ACBD6: variants seen among roughly 807,000 people sequenced by gnomAD.
ACBD6 encodes the protein acyl-CoA-binding domain-containing protein 6.
Under a neutral mutation model 37.2 loss-of-function variants are expected in ACBD6, and 28 were observed. That is an observed-to-expected ratio of 0.75 (90% CI 0.56 to 1.03). ACBD6 has a LOEUF of 1.03. ACBD6 is among the 50% of genes least tolerant of loss of function. The pLI is 0.00. For missense variants in ACBD6, 340 were observed against 337.4 expected (o/e 1.01, Z -0.06); for synonymous variants, 113 against 126.8 (o/e 0.89, Z 0.73).
chr1:180,405,366 GA>G (rs1647570294), intron 5 of ACBD6, among the ~76,000 whole-genome samples: 1 of 152,130 alleles, frequency 6.6e-6, no homozygotes, highest in African/African-American at 2.4e-5. Context: ...GTATCTGAAA[GA>G]ATCAATAGAC....
chr1:180,359,034 GTGC>G (rs1287711805), intron 6 of ACBD6, among the ~76,000 whole-genome samples: 1 of 152,168 alleles, frequency 6.6e-6, no homozygotes, highest in Non-Finnish European at 1.5e-5. Context: ...AAGAAAGGTG[GTGC>G]TGGAAGGGAA....
downstream of ACBD6, among the ~76,000 whole-genome samples, chr1:180,284,147 T>C (rs1034688199): frequency 8.5e-5 from 13 of 152,160 alleles, no homozygotes; most frequent in African/African-American, 1.2e-4. Flanking sequence ...TATTTGAAAA[T>C]TGACCATACT....
intron 3 of ACBD6, among the ~76,000 whole-genome samples, chr1:180,467,815 T>C (rs1650409837): frequency 2.1e-5 from 1 of 48,472 alleles, no homozygotes; most frequent in South Asian, 8.0e-4. Context: ...CATTCCCCTA[T>C]TGAGATCCAT....
chr1:180,416,609 T>C (rs1446089553), intron 4 of ACBD6, among the ~76,000 whole-genome samples: 1 of 152,214 alleles, frequency 6.6e-6, no homozygotes, highest in African/African-American at 2.4e-5. Context: ...ACAGAAAGTC[T>C]CTTCTTCAGG....
rs192000055 is a variant in ACBD6, at chr1:180,297,751, A to T, written c.695-9234T>A. Among the ~76,000 whole-genome samples the T allele has an allele frequency of 3.0e-3, 463 of 152,186 alleles. 2 individuals are homozygous for T. The highest frequency in any genetic ancestry group is 5.4e-3 in the Non-Finnish European group (365 of 67,988). ...CCAAAATAATTTTATCATTATTATC[A>T]TTTTTTGAGATGGAGTCTTACTCTT... On this transcript the variant is annotated intron_variant, in intron 7 of 7. Transcript: ENST00000367595.
chr1:180,465,672 G>C (rs1013970326), intron 3 of ACBD6, among the ~76,000 whole-genome samples: 9 of 152,086 alleles, frequency 5.9e-5, no homozygotes, highest in African/African-American at 2.2e-4. Flanking sequence ...TATATACCCG[G>C]AGGAATATAA....
intron 6 of ACBD6, among the ~76,000 whole-genome samples, chr1:180,392,626 G>A (rs985296452): frequency 6.6e-6 from 1 of 152,058 alleles, no homozygotes; most frequent in Non-Finnish European, 1.5e-5. Flanking sequence ...ATGACTAAAA[G>A]AGACAATGCA....
At chr1:180,416,465 T>C (rs1260836737) in intron 4 of ACBD6, among the ~76,000 whole-genome samples, 1 of 152,194 alleles carries the variant, frequency 6.6e-6, no homozygotes, top group African/African-American at 2.4e-5. Context: ...TTTTCCTTTC[T>C]TGATTTTTTA....
chr1:180,375,410 C>T (rs1004018023), intron 6 of ACBD6, among the ~76,000 whole-genome samples: 1 of 152,118 alleles, frequency 6.6e-6, no homozygotes, highest in African/African-American at 2.4e-5. Context: ...ACTGCAGTCT[C>T]GATCTCCTGG....
chr1:180,388,286 C>T (rs573393793), intron 6 of ACBD6, among the ~76,000 whole-genome samples: 2 of 151,996 alleles, frequency 1.3e-5, no homozygotes, highest in East Asian at 3.9e-4. Flanking sequence ...CTTTAGTCTT[C>T]TTATGTTTAT....
intron 6 of ACBD6, among the ~76,000 whole-genome samples, chr1:180,375,657 C>A (rs12691484): frequency 0.82 from 124,493 of 152,134 alleles, 51,361 homozygotes; most frequent in Non-Finnish European, 0.88. Flanking sequence ...GGTGCCAGGA[C>A]AACAGGTAAG....
At chr1:180,364,293 T>A (rs373106357) in intron 6 of ACBD6, among the ~76,000 whole-genome samples, 1 of 152,232 alleles carries the variant, frequency 6.6e-6, no homozygotes, top group Non-Finnish European at 1.5e-5. Flanking sequence ...TCTATTAAGT[T>A]ACAGCTCTAC....
At position 180,413,371 on chromosome 1, in the gene ACBD6, C is replaced by T. The variant is rs764267262; in HGVS notation, c.568G>A (p.Glu190Lys). Residue 190 changes from glutamate to lysine, a missense_variant, in exon 5 of 8, where the codon GAA becomes AAA. By Grantham distance (56) the Glu-to-Lys change is moderately conservative (BLOSUM62 1). Coordinates refer to ENST00000367595, the MANE Select transcript of ACBD6 (RefSeq NM_032360.4). The stretch of plus-strand genomic sequence containing the variant: ...ACAGGGCATGTTTTTCATACCTCTT[C>T]ATCTTTCACATTCACATCCACATTT... ...SKNVDVNVKD[E>K]EGRALLHWAC... 8 of 1,612,028 alleles carry T rather than the reference C, an allele frequency of 5.0e-6. No individual in the cohort carries two copies. The South Asian group carries it at 8.8e-5, about 18-fold the overall frequency.
chr1:180,322,382 T>C (rs1057288082), intron 6 of ACBD6, among the ~76,000 whole-genome samples: 7 of 152,112 alleles, frequency 4.6e-5, no homozygotes, highest in African/African-American at 1.7e-4. Flanking sequence ...AGAATGAGTT[T>C]GGAAGTCTTC....
intron 3 of ACBD6, among the ~76,000 whole-genome samples, chr1:180,483,647 A>G (rs992309243): frequency 6.6e-6 from 1 of 152,192 alleles, no homozygotes; most frequent in African/African-American, 2.4e-5. Context: ...TTGGTTCAAT[A>G]TAAAATGGTA....
chr1:180,449,765 G>C (rs959653552), intron 3 of ACBD6, among the ~76,000 whole-genome samples: 16 of 151,906 alleles, frequency 1.1e-4, no homozygotes, highest in Non-Finnish European at 2.2e-4. Flanking sequence ...GCCTGTTGTA[G>C]GGTGGGGACA....
chr1:180,356,423 C>T (rs1382886067), intron 6 of ACBD6, among the ~76,000 whole-genome samples: 2 of 152,098 alleles, frequency 1.3e-5, no homozygotes, highest in African/African-American at 2.4e-5. Context: ...CCACCTGCCT[C>T]AGCCTCCCAA....
chr1:180,493,148 C>T (rs755405124), intron 2 of ACBD6, among the ~76,000 whole-genome samples: 4 of 144,436 alleles, frequency 2.8e-5, no homozygotes, highest in East Asian at 4.4e-4. Context: ...CTCTGGAGGC[C>T]GAGGCAGGAG....
intron 6 of ACBD6, among the ~76,000 whole-genome samples, chr1:180,359,495 G>A (rs1221580814): frequency 1.3e-5 from 2 of 152,046 alleles, no homozygotes; most frequent in African/African-American, 2.4e-5. Flanking sequence ...GCAAATATAA[G>A]ATGCCTGTAT....
Sources: gnomAD v4.1 joint callset for allele counts (sites outside exome capture counted in the v4.1 genomes callset) on GRCh38, gnomAD v4.1.1 for gene constraint, MANE v1.5 for transcripts, NCBI Gene and HGNC (gene_info 2026-07-23, HGNC 2026-07-21) for gene names.